Variants in ERMP1 observed in about 807,000 individuals in gnomAD.
ERMP1 encodes the protein endoplasmic reticulum metallopeptidase 1.
Under a neutral mutation model 92.0 loss-of-function variants are expected in ERMP1, and 86 were observed. The observed-to-expected ratio is 0.93, with a 90% CI of 0.79 to 1.12. ERMP1 has a LOEUF of 1.12. Among genes scored for constraint, ERMP1 ranks in the 50% most tolerant of loss-of-function variants. ERMP1 has a pLI of 0.00. For synonymous variants in ERMP1, 530 were observed against 412.8 expected (o/e 1.28, Z -3.44); for missense variants, 1,342 against 1,116.3 (o/e 1.20, Z -2.88).
intron 8 of ERMP1, 109 bp downstream of exon 8, chr9:5,809,902 T>G (rs1211444096): frequency 1.5e-5 from 11 of 722,904 alleles, no homozygotes; most frequent in Non-Finnish European, 2.6e-5. Flanking sequence ...ATAACCATGC[T>G]GAACAATTTT....
chr9:5,790,751 G>C (rs1483626787), intron 13 of ERMP1, among the ~76,000 whole-genome samples: 1 of 152,092 alleles, frequency 6.6e-6, no homozygotes, highest in African/African-American at 2.4e-5. Context: ...AGATAACATA[G>C]CAACCACTTT....
At chr9:5,856,310 G>C (rs983163417) in intron 6 of ERMP1, 1 of 239,822 alleles carries the variant, frequency 4.2e-6, no homozygotes. Flanking sequence ...CAGTAACTTC[G>C]GTGTTGGCCT....
At chr9:5,852,091 A>G (rs1472421739) in intron 6 of ERMP1, among the ~76,000 whole-genome samples, 1 of 152,186 alleles carries the variant, frequency 6.6e-6, no homozygotes, top group East Asian at 1.9e-4. Flanking sequence ...GCTCAAGTAA[A>G]GCAAAAGGTT....
At chr9:5,839,149 C>T (rs1188924009) in intron 6 of ERMP1, among the ~76,000 whole-genome samples, 3 of 152,196 alleles carry the variant, frequency 2.0e-5, no homozygotes, top group African/African-American at 7.2e-5. Context: ...ATTCCTCAAG[C>T]ACATTTCTAG....
chr9:5,826,378 T>C (rs188051030), intron 2 of ERMP1, among the ~76,000 whole-genome samples: 2 of 152,284 alleles, frequency 1.3e-5, no homozygotes, highest in East Asian at 1.9e-4. Flanking sequence ...CTCTGTCACT[T>C]TACTCCACTA....
intron 6 of ERMP1, among the ~76,000 whole-genome samples, chr9:5,840,754 G>A (rs1351726632): frequency 6.6e-6 from 1 of 152,208 alleles, no homozygotes; most frequent in Non-Finnish European, 1.5e-5. Flanking sequence ...TTGTCCTGAG[G>A]CCCTAGATCA....
chr9:5,832,803 C>G lies in ERMP1; in HGVS notation c.225G>C (p.Leu75=), dbSNP rs1830009863. The change falls in exon 1 of 15, where the codon CTG becomes CTC. Residue 75 remains leucine, a synonymous_variant. Coordinates refer to ENST00000339450, the MANE Select transcript of ERMP1 (RefSeq NM_024896.3). The part of the protein sequence containing the change: ...GTGLSEVRAA[L]GLALYLIALR... ...GCGCGATCAGGTAGAGCGCGAGCCCCAGCGCGGCGCGCACCTCAGACAGCC... is the reference window on the plus strand; with the variant it reads ...GCGCGATCAGGTAGAGCGCGAGCCCGAGCGCGGCGCGCACCTCAGACAGCC... 1 of 1,502,074 alleles carries G rather than the reference C, an allele frequency of 6.7e-7. No individual in the cohort carries two copies. The highest frequency in any genetic ancestry group is 1.4e-5 in the African/African-American group (1 of 69,018). 93.0% of individuals were successfully genotyped at this position (1,502,074 alleles called of 1,614,324 possible).
chr9:5,819,985 TA>T (rs895360992), intron 4 of ERMP1, among the ~76,000 whole-genome samples: 13 of 151,980 alleles, frequency 8.6e-5, no homozygotes, highest in African/African-American at 2.4e-4. Flanking sequence ...GCTGTAACTT[TA>T]AAAAAAAGAA....
intron 2 of ERMP1, among the ~76,000 whole-genome samples, chr9:5,826,672 C>A (rs1829741466): frequency 6.6e-6 from 1 of 152,116 alleles, no homozygotes; most frequent in African/African-American, 2.4e-5. Context: ...AAGTAATAAT[C>A]ATTTAATTAC....
At chr9:5,829,496 A>C (rs1829858285) in intron 2 of ERMP1, among the ~76,000 whole-genome samples, 1 of 152,208 alleles carries the variant, frequency 6.6e-6, no homozygotes, top group African/African-American at 2.4e-5. Flanking sequence ...AGAGTTAATA[A>C]AAACTTTTAA....
At chr9:5,818,004 C>G (rs1242699880) in intron 4 of ERMP1, among the ~76,000 whole-genome samples, 1 of 152,012 alleles carries the variant, frequency 6.6e-6, no homozygotes, top group African/African-American at 2.4e-5. Flanking sequence ...CTAAAGCTGA[C>G]TAGAATTGTT....
intron 5 of ERMP1, among the ~76,000 whole-genome samples, chr9:5,863,405 A>G (rs1017469734): frequency 2.6e-5 from 4 of 152,174 alleles, no homozygotes; most frequent in African/African-American, 9.7e-5. Context: ...ACAGTTTCCC[A>G]TTACTCCTTG....
At chr9:5,801,109 C>T (rs938083651) in intron 11 of ERMP1, 67 bp downstream of exon 11, 1 of 1,521,954 alleles carries the variant, frequency 6.6e-7, no homozygotes, top group Admixed American at 2.1e-5. Context: ...TTGCTATTCA[C>T]TACTGAAGCT....
intron 6 of ERMP1, among the ~76,000 whole-genome samples, chr9:5,850,958 T>C (rs140595634): frequency 3.2e-4 from 48 of 152,308 alleles, no homozygotes; most frequent in African/African-American, 9.6e-4. Flanking sequence ...TTTGATCAGT[T>C]ACCTCACCCT....
intron 6 of ERMP1, among the ~76,000 whole-genome samples, chr9:5,849,592 T>C (rs758011374): frequency 5.9e-5 from 9 of 152,218 alleles, no homozygotes; most frequent in Non-Finnish European, 1.3e-4. Context: ...GTTTGGTCAC[T>C]GTTCAGAAGG....
At chr9:5,832,601 G>T in intron 1 of ERMP1, 89 bp downstream of exon 1, 1 of 1,075,758 alleles carries the variant, frequency 9.3e-7, no homozygotes. Context: ...GGTCCGGCAG[G>T]GGCGGGTGCA....
chr9:5,843,686 A>C (rs892896715), intron 6 of ERMP1, among the ~76,000 whole-genome samples: 6 of 152,202 alleles, frequency 3.9e-5, no homozygotes. Flanking sequence ...GGAACAGTGA[A>C]TAAGTAGCAG....
intron 5 of ERMP1, among the ~76,000 whole-genome samples, chr9:5,863,870 T>G (rs568396824): frequency 1.3e-5 from 2 of 152,222 alleles, no homozygotes; most frequent in Non-Finnish European, 2.9e-5. Flanking sequence ...TTTTCTGGTG[T>G]CAATAAATAT....
chr9:5,825,356 T>TGATGACAGAG, intron 2 of ERMP1, 137 bp from the exon 3 acceptor site: 1 of 815,716 alleles, frequency 1.2e-6, no homozygotes, highest in Non-Finnish European at 1.9e-6. Context: ...TCTGTCATCA[T>TGATGACAGAG]CAGGTGACAA....
Sources: gnomAD v4.1 joint callset for allele counts (sites outside exome capture counted in the v4.1 genomes callset) on GRCh38, gnomAD v4.1.1 for gene constraint, MANE v1.5 for transcripts, NCBI Gene and HGNC (gene_info 2026-07-23, HGNC 2026-07-21) for gene names.